The following ZNF681 variants were observed in gnomAD, a reference collection of about 807,000 sequenced individuals.
The protein encoded by ZNF681 is hypothetical protein FLJ31526.
A neutral mutation model predicts 56.0 loss-of-function variants in ZNF681; 37 were observed. The ratio of observed to expected loss-of-function variants is 0.66; its 90% CI spans 0.51 to 0.87. The LOEUF is 0.87. ZNF681 is among the 40% of genes least tolerant of loss of function. The pLI is 0.00. For synonymous variants in ZNF681, 225 were observed against 248.6 expected, an observed-to-expected ratio of 0.91 and a Z score of 0.89; for missense variants, 741 against 744.9, an observed-to-expected ratio of 0.99 and a Z score of 0.06.
intron 1 of ZNF681, 33 bp downstream of exon 1, chr19:23,758,714 C>A: frequency 1.2e-6 from 2 of 1,614,196 alleles, no homozygotes; most frequent in South Asian, 2.2e-5. Flanking sequence ...AGCCCCTTCC[C>A]CTCTCTCGGG....
chr19:23,745,126 A>G lies in ZNF681; in HGVS notation c.424T>C (p.Phe142Leu), dbSNP rs780851653. ...ATTTTCATATATTTATCACATTGAA[A>G]TATTTTGCTCTGGGTAGTTGGCAAA... is the stretch of plus-strand genomic sequence containing the variant. Reference protein sequence around the residue: ...QCLPTTQSKIFQCDKYMKIFH... With the variant: ...QCLPTTQSKILQCDKYMKIFH... The change falls in exon 4 of 4, where the codon TTT (phenylalanine) becomes CTT (leucine). Residue 142 changes from phenylalanine to leucine, a missense_variant. By Grantham distance (22) the Phe-to-Leu change is conservative. Transcript: ENST00000402377. 3.1e-6 allele frequency: 5 copies of G among 1,611,262 alleles called. No individual in the cohort carries two copies. The highest frequency in any genetic ancestry group is 3.3e-4 in the Middle Eastern group (2 of 6,046).
At chr19:23,753,951 T>G (rs748892954) in intron 3 of ZNF681, among the ~76,000 whole-genome samples, 27 of 147,968 alleles carry the variant, frequency 1.8e-4, no homozygotes, top group African/African-American at 6.5e-4. Context: ...TTTACAGTAA[T>G]GAAAAATACA....
chr19:23,747,639 C>CAA (rs57974422), intron 3 of ZNF681, among the ~76,000 whole-genome samples: 2 of 96,814 alleles, frequency 2.1e-5, no homozygotes, highest in Admixed American at 1.2e-4. Flanking sequence ...GACTCCGTCT[C>CAA]AAAAAAAAAA....
chr19:23,747,466 C>T (rs928633337), intron 3 of ZNF681, among the ~76,000 whole-genome samples: 8 of 151,742 alleles, frequency 5.3e-5, no homozygotes, highest in African/African-American at 1.7e-4. Context: ...AGGGAAACCC[C>T]GTCTCTACTA....
rs547505135 is a variant in ZNF681, at chr19:23,744,833, T to C, written c.717A>G (p.Thr239=). 1.1e-5 allele frequency: 18 copies of C among 1,613,688 alleles called. No individual in the cohort carries two copies. The South Asian group carries it at 1.6e-4, about 15-fold the overall frequency. The part of the protein sequence containing the change: ...EECGKACNQF[T]NLTTHKIIYT... ...AAATTATCTTATGTGTAGTAAGGTTTGTGAACTGGTTACAGGCTTTGCCAC... is the reference window on the plus strand; with the variant it reads ...AAATTATCTTATGTGTAGTAAGGTTCGTGAACTGGTTACAGGCTTTGCCAC... The change falls in exon 4 of 4, where the codon ACA becomes ACG. Residue 239 remains threonine (T), a synonymous_variant. Coordinates refer to ENST00000402377, the MANE Select transcript of ZNF681 (RefSeq NM_138286.3).
chr19:23,745,903 T>C (rs562026967), intron 3 of ZNF681, among the ~76,000 whole-genome samples: 5 of 152,352 alleles, frequency 3.3e-5, no homozygotes, highest in African/African-American at 1.2e-4. Context: ...AAAAGCCTGT[T>C]ACATTTACCC....
Position 23,741,375 on chromosome 19 carries a change from T to C in ZNF681, c.*2237A>G, listed in dbSNP as rs1739830615. 1 of 152,128 alleles carries C rather than the reference T, an allele frequency of 6.6e-6. No individual in the cohort carries two copies. The highest frequency in any genetic ancestry group is 1.5e-5 in the Non-Finnish European group (1 of 68,014). The allele number at this position is 152,128 out of a possible 1,614,324, so 9.4% of individuals were successfully genotyped here. On this transcript the variant is annotated 3_prime_UTR_variant, in exon 4 of 4. Transcript: ENST00000402377. The stretch of plus-strand genomic sequence containing the variant: ...TGTTTATATTGTTTTCTTATGACCA[T>C]AAAAGAGACCCTGTAGCCAACAACA...
At position 23,740,154 on chromosome 19, in the gene ZNF681, G is replaced by A. The variant is rs991071240; in HGVS notation, c.*3458C>T. On this transcript the variant is annotated 3_prime_UTR_variant, in exon 4 of 4. Coordinates refer to ENST00000402377, the MANE Select transcript of ZNF681 (RefSeq NM_138286.3). ...ATCCTTTCATCTGTGGACACTGTAT[G>A]CTTTTTGTTTTAATTTAACTGATCA... 6 of 152,118 alleles carry A rather than the reference G, an allele frequency of 3.9e-5. No individual in the cohort carries two copies. The highest frequency in any genetic ancestry group is 5.9e-5 in the Non-Finnish European group (4 of 68,012). 9.4% of individuals were successfully genotyped at this position (152,118 alleles called of 1,614,324 possible).
At chr19:23,746,004 G>C (rs55748035) in intron 3 of ZNF681, among the ~76,000 whole-genome samples, 149,013 of 152,278 alleles carry the variant, frequency 0.98, 73,002 homozygotes, top group Middle Eastern at 1. Context: ...GCACACCTGA[G>C]AGTGGATAAT....
intron 2 of ZNF681, 141 bp downstream of exon 2, chr19:23,755,284 A>C (rs780593026): frequency 2.9e-5 from 33 of 1,132,884 alleles, no homozygotes; most frequent in Non-Finnish European, 3.9e-5. Flanking sequence ...TTTTCTACAG[A>C]GATGAATCCC....
Position 23,744,919 on chromosome 19 carries a change from A to C in ZNF681, c.631T>G (p.Ser211Ala), listed in dbSNP as rs767575227. ...ATTCTTTTATGTTTAGTAAAGATTG[A>C]GGATCCATTAAAGGCTTTTCCACAG... The part of the protein sequence containing the change: ...EDCGKAFNGS[S>A]IFTKHKRIHI... Residue 211 changes from serine (S) to alanine (A), a missense_variant, in exon 4 of 4, where the codon TCA (serine) becomes GCA (alanine). Coordinates refer to ENST00000402377, the MANE Select transcript of ZNF681 (RefSeq NM_138286.3). The C allele has an allele frequency of 6.8e-6, 11 of 1,605,944 alleles. No individual in the cohort carries two copies. The highest frequency in any genetic ancestry group is 7.6e-6 in the Non-Finnish European group (9 of 1,176,988).
Position 23,744,652 on chromosome 19 carries a change from G to GTGT in ZNF681, c.895_897dup (p.Thr299dup). The GTGT allele has an allele frequency of 6.3e-7, 1 of 1,596,572 alleles. No homozygotes were observed. The highest frequency in any genetic ancestry group is 8.6e-7 in the Non-Finnish European group (1 of 1,167,640). ...TTCTCTCTGGTATGAATTATCTTATGTGTAGTAAGGGTTAAGGACTGATTA... is the reference window on the plus strand; with the variant it reads ...TTCTCTCTGGTATGAATTATCTTATGTGTTGTAGTAAGGGTTAAGGACTGATTA... On this transcript the variant is annotated inframe_insertion, in exon 4 of 4. Transcript: ENST00000402377.
rs774831202 is a variant in ZNF681 at position 23,743,947 on chromosome 19, T to A, written c.1603A>T (p.Thr535Ser). The A allele has an allele frequency of 2.5e-6, 4 of 1,612,558 alleles. No homozygotes were observed. In the South Asian group the frequency reaches 4.4e-5, roughly 18 times the overall value. ...AAGGCTTTGCCACATTCTTCACATG[T>A]GTAGGGTTTCTCTCCAGTATGAATT... ...KKIHTGEKPY[T>S]CEECGKAFNH... Residue 535 changes from threonine to serine, a missense_variant, in exon 4 of 4, where the codon ACA becomes TCA. By Grantham distance (58) the Thr-to-Ser change is moderately conservative. Transcript: ENST00000402377.
chr19:23,751,085 C>T (rs556261172), intron 3 of ZNF681, among the ~76,000 whole-genome samples: 14 of 142,282 alleles, frequency 9.8e-5, no homozygotes, highest in South Asian at 4.5e-4. Context: ...GCCAAGACTG[C>T]GCCATTGCAC....
In ZNF681 at chr19:23,755,558, AACAC is replaced by A. The variant is rs763001279; in HGVS notation, c.4-11_4-8del. The A allele has an allele frequency of 1.5e-3, 1,876 of 1,273,396 alleles. 1 individual carries two copies. Among genetic ancestry groups the A allele is most frequent in the South Asian group, 4.0e-3 (272 of 67,262 alleles). 78.9% of individuals were successfully genotyped at this position (1,273,396 alleles called of 1,614,324 possible). ...CCCTAAATTTCAATGGTTCCTGAAA[AACAC>A]ACACACACACACACACACACACACA... On this transcript the variant is annotated splice_polypyrimidine_tract_variant and splice_region_variant and intron_variant, in intron 1 of 3. Transcript: ENST00000402377.
rs767058528 is a variant in ZNF681 at position 23,744,808 on chromosome 19, A to C, written c.742T>G (p.Tyr248Asp). The C allele has an allele frequency of 1.9e-6, 3 of 1,611,646 alleles. No individual in the cohort carries two copies. Among genetic ancestry groups the C allele is most frequent in the African/African-American group, 2.7e-5 (2 of 74,446 alleles). The stretch of plus-strand genomic sequence containing the variant: ...CGTTTGTAGAGTTTGTCTCTAGTAT[A>C]AATTATCTTATGTGTAGTAAGGTTT... ...FTNLTTHKII[Y>D]TRDKLYKREE... Residue 248 changes from tyrosine (Y) to aspartate (D), a missense_variant, in exon 4 of 4, where the codon TAT becomes GAT. Tyr to Asp is a radical substitution (Grantham distance 160). Coordinates refer to ENST00000402377, the MANE Select transcript of ZNF681 (RefSeq NM_138286.3).
intron 3 of ZNF681, among the ~76,000 whole-genome samples, chr19:23,750,570 G>A (rs896436951): frequency 1.3e-5 from 2 of 151,722 alleles, no homozygotes; most frequent in African/African-American, 4.8e-5. Context: ...GGCCAGGCAC[G>A]GTGGCTCACA....
Position 23,741,061 on chromosome 19 carries a change from T to C in ZNF681, c.*2551A>G, listed in dbSNP as rs140292409. On this transcript the variant is annotated 3_prime_UTR_variant, in exon 4 of 4. Transcript: ENST00000402377. ...AGTATGGATTTGTTTTCAGCATTTT[T>C]AAGTTTTTTTAGTTTTGCAGTCATC... 2.0e-4 allele frequency: 31 copies of C among 152,264 alleles called. No individual in the cohort carries two copies. Among genetic ancestry groups the C allele is most frequent in the Middle Eastern group, 6.8e-3 (2 of 294 alleles). 9.4% of individuals were successfully genotyped at this position (152,264 alleles called of 1,614,324 possible).
intron 3 of ZNF681, 82 bp from the exon 4 acceptor site, chr19:23,745,405 A>G: frequency 8.7e-7 from 1 of 1,155,936 alleles, no homozygotes; most frequent in East Asian, 2.9e-5. Flanking sequence ...ACAATTATAC[A>G]AATTACATAA....
Sources: allele counts gnomAD v4.1 joint callset (sites outside exome capture counted in the v4.1 genomes callset), GRCh38; gene constraint gnomAD v4.1.1; transcripts MANE v1.5; gene names NCBI Gene and HGNC (gene_info 2026-07-23, HGNC 2026-07-21).